ASPHD2: variants seen among roughly 807,000 people sequenced by gnomAD.
ASPHD2 encodes aspartate beta-hydroxylase domain-containing protein 2.
In ASPHD2, 12 loss-of-function variants were observed where a neutral mutation model predicts 34.6. That is an observed-to-expected ratio of 0.35 (90% CI 0.22 to 0.56). The LOEUF (loss-of-function observed/expected upper bound fraction) is 0.56, where lower values mean the gene tolerates loss of function less well. Among genes scored for constraint, ASPHD2 ranks in the 20% least tolerant of loss-of-function variants. ASPHD2 has a pLI of 0.87. For missense variants in ASPHD2, 375 were observed against 505.0 expected (o/e 0.74, Z 2.47); for synonymous variants, 224 against 212.2 (o/e 1.06, Z -0.48).
At chr22:26,438,503 A>G (rs1051728503) in intron 2 of ASPHD2, among the ~76,000 whole-genome samples, 2 of 117,016 alleles carry the variant, frequency 1.7e-5, no homozygotes, top group Non-Finnish European at 3.6e-5. Flanking sequence ...ACACACATAC[A>G]TATATATACA....
chr22:26,434,419 C>A lies in ASPHD2; in HGVS notation c.804C>A (p.Asn268Lys). Residue 268 changes from asparagine to lysine, a missense_variant, in exon 2 of 4, where the codon AAC becomes AAA. Asn to Lys is a moderately conservative substitution (Grantham distance 94, BLOSUM62 0). Coordinates refer to ENST00000215906, the MANE Select transcript of ASPHD2 (RefSeq NM_020437.5). The stretch of plus-strand genomic sequence containing the variant: ...GTATTGGGAACAATGTTTTTGGGAA[C>A]GCGTGCATCTCTGTGCTGAGCCCTG... ...RTCIGNNVFG[N>K]ACISVLSPGT... 1 of 1,614,142 alleles carries A rather than the reference C, an allele frequency of 6.2e-7. No individual in the cohort carries two copies. The highest frequency in any genetic ancestry group is 8.5e-7 in the Non-Finnish European group (1 of 1,180,006).
intron 3 of ASPHD2, 91 bp from the exon 4 acceptor site, chr22:26,443,006 G>A: frequency 1.1e-6 from 1 of 909,604 alleles, no homozygotes; most frequent in Non-Finnish European, 1.8e-6. Flanking sequence ...CTGCCCCGAA[G>A]CTGAGCACGT....
In ASPHD2 at chr22:26,443,325, CTCT is replaced by C; in HGVS notation, c.*121_*123del. 3 of 799,110 alleles carry C rather than the reference CTCT, an allele frequency of 3.8e-6. No individual in the cohort carries two copies. In the South Asian group the frequency reaches 4.9e-5, roughly 13 times the overall value. 49.5% of individuals were successfully genotyped at this position (799,110 alleles called of 1,614,324 possible). On this transcript the variant is annotated 3_prime_UTR_variant, in exon 4 of 4. Coordinates refer to ENST00000215906, the MANE Select transcript of ASPHD2 (RefSeq NM_020437.5). ...CTCAGAAACCTGCCTCAGCGGAAAG[CTCT>C]TATTTGGGATTTTATATCATGTCGG...
At chr22:26,430,161 C>G (rs1213804945) in intron 1 of ASPHD2, among the ~76,000 whole-genome samples, 1 of 152,252 alleles carries the variant, frequency 6.6e-6, no homozygotes, top group East Asian at 1.9e-4. Context: ...GAGAGGGTGA[C>G]AGGCATCACA....
chr22:26,444,342 C>T lies in ASPHD2; in HGVS notation c.*1136C>T, dbSNP rs1156665649. 1 of 151,976 alleles carries T rather than the reference C, an allele frequency of 6.6e-6. No homozygotes were observed. Among genetic ancestry groups the T allele is most frequent in the Non-Finnish European group, 1.5e-5 (1 of 68,028 alleles). 9.4% of individuals were successfully genotyped at this position (151,976 alleles called of 1,614,324 possible). On this transcript the variant is annotated 3_prime_UTR_variant, in exon 4 of 4. Transcript: ENST00000215906. ...TGGCACAAAGGTGTGCACTGCGTGA[C>T]AATGACCCAAGCCAGTGTGTGCTAG...
chr22:26,443,253 T>C lies in ASPHD2; in HGVS notation c.*47T>C, dbSNP rs372650643. ...CGGCGAGAAGGGCCGAGGCGGGGCCTGGGCAGACTGTGGTCCGGTCCAGTC... is the reference window on the plus strand; with the variant it reads ...CGGCGAGAAGGGCCGAGGCGGGGCCCGGGCAGACTGTGGTCCGGTCCAGTC... On this transcript the variant is annotated 3_prime_UTR_variant, in exon 4 of 4. Coordinates refer to ENST00000215906, the MANE Select transcript of ASPHD2 (RefSeq NM_020437.5). The C allele has an allele frequency of 4.6e-6, 7 of 1,525,120 alleles. No homozygotes were observed. In the African/African-American group the frequency reaches 6.8e-5, roughly 15 times the overall value. The allele number at this position is 1,525,120 out of a possible 1,614,324, so 94.5% of individuals were successfully genotyped here. A position where few individuals can be genotyped will look rare whatever the true frequency, so the allele number is the denominator to read the frequency against.
intron 2 of ASPHD2, among the ~76,000 whole-genome samples, chr22:26,436,640 A>T (rs1359996789): frequency 6.6e-6 from 1 of 152,178 alleles, no homozygotes; most frequent in Middle Eastern, 3.2e-3. Context: ...GCCGTGGGCA[A>T]TGGGGAGTGA....
chr22:26,443,129 A>C lies in ASPHD2; in HGVS notation c.1033A>C (p.Met345Leu), dbSNP rs369235514. ...SAEDGPRVVF[M>L]VDLWHPNVAA... ...AGAGGATGGCCCACGGGTGGTTTTC[A>C]TGGTGGATTTGTGGCATCCAAACGT... The change falls in exon 4 of 4, where the codon ATG (methionine) becomes CTG (leucine). Residue 345 changes from methionine (M) to leucine (L), a missense_variant. Physicochemically the swap from Met to Leu is conservative, Grantham distance 15. Around this residue, in one of 3 missense-constraint regions of ASPHD2, gnomAD observed 142 missense variants for 217.9 expected, o/e 0.65. Coordinates refer to ENST00000215906, the MANE Select transcript of ASPHD2 (RefSeq NM_020437.5). 2 of 1,614,078 alleles carry C rather than the reference A, an allele frequency of 1.2e-6. No homozygotes were observed. Among genetic ancestry groups the C allele is most frequent in the African/African-American group, 1.3e-5 (1 of 75,000 alleles).
chr22:26,440,889 C>T (rs1601704972), intron 2 of ASPHD2, among the ~76,000 whole-genome samples: 1 of 152,190 alleles, frequency 6.6e-6, no homozygotes, highest in Non-Finnish European at 1.5e-5. Context: ...AGGTTCTAAA[C>T]CCAACCTCCC....
Position 26,438,630 on chromosome 22 carries a change from T to C in ASPHD2, c.887-3829T>C, listed in dbSNP as rs751245232. Among the ~76,000 whole-genome samples the C allele has an allele frequency of 1.7e-3, 105 of 60,772 alleles. 1 individual carries two copies. The highest frequency in any genetic ancestry group is 2.7e-3 in the Non-Finnish European group (72 of 26,830). 39.9% of individuals were successfully genotyped at this position (60,772 alleles called of 152,430 possible). A position where few individuals can be genotyped will look rare whatever the true frequency, so the allele number is the denominator to read the frequency against. ...ATACATATATATATACACACATATA[T>C]ATACATATATATATACACATACATA... On this transcript the variant is annotated intron_variant, in intron 2 of 3. Coordinates refer to ENST00000215906, the MANE Select transcript of ASPHD2 (RefSeq NM_020437.5).
chr22:26,442,030 T>C (rs4822720), intron 2 of ASPHD2, among the ~76,000 whole-genome samples: 130,384 of 148,552 alleles, frequency 0.88, 57,657 homozygotes, highest in Non-Finnish European at 0.94. Flanking sequence ...CATTTGAACC[T>C]GGGAGGTGGA....
At chr22:26,442,401 C>T in intron 2 of ASPHD2, 58 bp from the exon 3 acceptor site, 1 of 1,333,146 alleles carries the variant, frequency 7.5e-7, no homozygotes, top group East Asian at 2.4e-5. Flanking sequence ...CCCCCTATCT[C>T]CTGGCCTTCC....
intron 2 of ASPHD2, among the ~76,000 whole-genome samples, chr22:26,435,312 T>G (rs1229960249): frequency 6.6e-6 from 1 of 152,190 alleles, no homozygotes; most frequent in African/African-American, 2.4e-5. Context: ...TCAATAAAAG[T>G]AGGCTTAAAA....
At chr22:26,438,624 CATAT>C (rs879636467) in intron 2 of ASPHD2, among the ~76,000 whole-genome samples, 8 of 94,364 alleles carry the variant, frequency 8.5e-5, no homozygotes, top group Non-Finnish European at 1.3e-4. Flanking sequence ...TATATACACA[CATAT>C]ATATACATAT....
At chr22:26,435,710 T>TAAAAG (rs139306199) in intron 2 of ASPHD2, among the ~76,000 whole-genome samples, 7,205 of 145,858 alleles carry the variant, frequency 0.049, 221 homozygotes, top group Middle Eastern at 0.11. Flanking sequence ...ATCACTGCAC[T>TAAAAG]AAAAGAAAAG....
chr22:26,432,979 C>A (rs993796654), intron 1 of ASPHD2, among the ~76,000 whole-genome samples: 2 of 152,214 alleles, frequency 1.3e-5, no homozygotes, highest in African/African-American at 4.8e-5. Flanking sequence ...ACAGCGATCA[C>A]AGGAGTATAA....
Position 26,443,225 on chromosome 22 carries a change from A to C in ASPHD2, c.*19A>C. ...ACGATGAGAGTATTTCCCATGCTGGAGTCGGCGAGAAGGGCCGAGGCGGGG... is the reference window on the plus strand; with the variant it reads ...ACGATGAGAGTATTTCCCATGCTGGCGTCGGCGAGAAGGGCCGAGGCGGGG... On this transcript the variant is annotated 3_prime_UTR_variant, in exon 4 of 4. Transcript: ENST00000215906. 1 of 1,609,186 alleles carries C rather than the reference A, an allele frequency of 6.2e-7. No individual in the cohort carries two copies. The highest frequency in any genetic ancestry group is 2.2e-5 in the East Asian group (1 of 44,840).
chr22:26,438,782 A>G (rs537418422), intron 2 of ASPHD2, among the ~76,000 whole-genome samples: 7 of 152,118 alleles, frequency 4.6e-5, no homozygotes, highest in African/African-American at 1.7e-4. Flanking sequence ...AGGAGCAAGG[A>G]AAGCCAGTCA....
intron 2 of ASPHD2, among the ~76,000 whole-genome samples, chr22:26,438,470 C>CACAT (rs1555883276): frequency 2.9e-5 from 4 of 139,936 alleles, no homozygotes; most frequent in South Asian, 2.2e-4. Context: ...TACACACACA[C>CACAT]ATATATATAC....
Sources: allele counts gnomAD v4.1 joint callset (sites outside exome capture counted in the v4.1 genomes callset), GRCh38; gene constraint gnomAD v4.1.1; regional missense constraint gnomAD v4.1.1; transcripts MANE v1.5; gene names NCBI Gene and HGNC (gene_info 2026-07-23, HGNC 2026-07-21).